The following KIAA0319 variants were observed in gnomAD, a reference collection of about 807,000 sequenced individuals.
KIAA0319 encodes dyslexia-associated protein KIAA0319.
A neutral mutation model predicts 108.4 loss-of-function variants in KIAA0319; 83 were observed. That is an observed-to-expected ratio of 0.77 (90% CI 0.64 to 0.92). The LOEUF is 0.92. Ranked by LOEUF, KIAA0319 falls within the 40% of genes least tolerant of loss-of-function variation. KIAA0319 has a pLI of 0.00. For missense variants in KIAA0319, 1,195 were observed against 1,322.4 expected, an observed-to-expected ratio of 0.90 and a Z score of 1.49; for synonymous variants, 484 against 510.4, an observed-to-expected ratio of 0.95 and a Z score of 0.70.
At chr6:24,579,980 C>G (rs1203834194) in intron 7 of KIAA0319, 30 bp from the exon 8 acceptor site, 1 of 1,520,804 alleles carries the variant, frequency 6.6e-7, no homozygotes, top group Non-Finnish European at 9.0e-7. Context: ...AGTGACTGAG[C>G]CCATCTTGTG....
chr6:24,572,428 T>C, intron 11 of KIAA0319, 147 bp downstream of exon 11: 1 of 865,880 alleles, frequency 1.2e-6, no homozygotes, highest in South Asian at 1.8e-5. Flanking sequence ...CAAGGCAAGA[T>C]TTAGAACCTT....
At position 24,566,724 on chromosome 6, in the gene KIAA0319, C is replaced by T. The variant is rs865780706; in HGVS notation, c.2165G>A (p.Arg722Gln). The T allele has an allele frequency of 1.6e-5, 26 of 1,611,976 alleles. No individual in the cohort carries two copies. The highest frequency in any genetic ancestry group is 2.0e-5 in the Non-Finnish European group (24 of 1,179,122). ...CACAAGAACATGTCTGCCACCAGCC[C>T]GGGCTCTGGGAGGACTATTATTTTC... is the stretch of plus-strand genomic sequence containing the variant. The part of the protein sequence containing the change: ...KKENNSPPRA[R>Q]AGGRHVLVLP... The change falls in exon 14 of 21, where the codon CGG (arginine) becomes CAG (glutamine). Residue 722 changes from arginine to glutamine, a missense_variant. By Grantham distance (43) the Arg-to-Gln change is conservative. Coordinates refer to ENST00000378214, the MANE Select transcript of KIAA0319 (RefSeq NM_014809.4).
intron 3 of KIAA0319, among the ~76,000 whole-genome samples, chr6:24,593,397 T>G (rs1371090721): frequency 1.4e-5 from 2 of 144,592 alleles, no homozygotes; most frequent in Admixed American, 1.4e-4. Flanking sequence ...TTTTTTTTTT[T>G]TTTTTTTTTT....
chr6:24,582,657 G>GA (rs1260528894), intron 5 of KIAA0319, among the ~76,000 whole-genome samples: 2 of 87,530 alleles, frequency 2.3e-5, no homozygotes, highest in East Asian at 1.0e-3. Flanking sequence ...AATGTATAAA[G>GA]TTAAAAAAAA....
At chr6:24,554,801 A>C (rs1762063211) in intron 18 of KIAA0319, among the ~76,000 whole-genome samples, 170 bp from the exon 19 acceptor site, 1 of 152,210 alleles carries the variant, frequency 6.6e-6, no homozygotes, top group African/African-American at 2.4e-5. Context: ...CAGATAAATC[A>C]AGAACTGTAA....
At chr6:24,596,914 C>G (rs1044753780) in intron 2 of KIAA0319, among the ~76,000 whole-genome samples, 2 of 151,976 alleles carry the variant, frequency 1.3e-5, no homozygotes, top group African/African-American at 4.8e-5. Flanking sequence ...CATCCTTTCA[C>G]CCACATACTC....
intron 14 of KIAA0319, among the ~76,000 whole-genome samples, chr6:24,564,768 C>G (rs1358167823): frequency 6.6e-6 from 1 of 152,146 alleles, no homozygotes; most frequent in African/African-American, 2.4e-5. Flanking sequence ...AACCCAAGAC[C>G]CTGTGTAGCG....
intron 8 of KIAA0319, 95 bp from the exon 9 acceptor site, chr6:24,578,337 T>C (rs1050568235): frequency 2.2e-6 from 2 of 906,594 alleles, no homozygotes; most frequent in African/African-American, 3.4e-5. Flanking sequence ...TTCATTTTTA[T>C]AAGAAATTAT....
At chr6:24,550,265 C>T (rs911315019) in intron 20 of KIAA0319, among the ~76,000 whole-genome samples, 12 of 152,234 alleles carry the variant, frequency 7.9e-5, no homozygotes, top group African/African-American at 2.9e-4. Context: ...CCTGTAAAGG[C>T]AGGCTCTGTG....
At chr6:24,588,298 T>C (rs538209240) in intron 4 of KIAA0319, among the ~76,000 whole-genome samples, 155 of 152,328 alleles carry the variant, frequency 1.0e-3, no homozygotes, top group Non-Finnish European at 2.0e-3. Context: ...CCCTGGACCC[T>C]GTTAGTGGAT....
At chr6:24,567,854 C>A (rs978835178) in intron 13 of KIAA0319, among the ~76,000 whole-genome samples, 7 of 152,168 alleles carry the variant, frequency 4.6e-5, no homozygotes, top group African/African-American at 1.7e-4. Context: ...TGCTGTGAGG[C>A]AAATCCTGCT....
At chr6:24,612,728 C>T (rs1467513992) in intron 1 of KIAA0319, among the ~76,000 whole-genome samples, 1 of 152,150 alleles carries the variant, frequency 6.6e-6, no homozygotes, top group Non-Finnish European at 1.5e-5. Context: ...TATAAAATAT[C>T]TCTGGAAGAA....
intron 17 of KIAA0319, among the ~76,000 whole-genome samples, chr6:24,557,485 A>C (rs1762475155): frequency 6.6e-6 from 1 of 152,254 alleles, no homozygotes; most frequent in Non-Finnish European, 1.5e-5. Flanking sequence ...CCGGGGCAAC[A>C]GAGGGACAGA....
chr6:24,583,564 C>A (rs760915827), intron 5 of KIAA0319, 40 bp downstream of exon 5: 2 of 1,374,396 alleles, frequency 1.5e-6, no homozygotes. Flanking sequence ...AGAAAAACAC[C>A]CCAGTTCCTA....
intron 4 of KIAA0319, among the ~76,000 whole-genome samples, chr6:24,583,974 A>G (rs1266259461): frequency 1.3e-5 from 2 of 152,220 alleles, no homozygotes; most frequent in African/African-American, 4.8e-5. Context: ...TTGAGTGACA[A>G]GAGTTGCGTG....
At chr6:24,611,923 G>C (rs2745331) in intron 1 of KIAA0319, among the ~76,000 whole-genome samples, 138,834 of 151,870 alleles carry the variant, frequency 0.91, 63,519 homozygotes, top group East Asian at 0.99. Context: ...TAGTGATATG[G>C]ACCTGTAGTC....
chr6:24,568,774 C>A lies in KIAA0319; in HGVS notation c.2140+7G>T, dbSNP rs753332323. On this transcript the variant is annotated splice_region_variant and intron_variant, in intron 13 of 20. Transcript: ENST00000378214. Reference sequence around the variant, plus strand: ...GGCCCAGCCCTGTCCACCTCAGACCCACTCACCCTTCTTCACAGCCACAGT... The same window carrying A: ...GGCCCAGCCCTGTCCACCTCAGACCAACTCACCCTTCTTCACAGCCACAGT... The A allele has an allele frequency of 1.9e-6, 3 of 1,613,542 alleles. No individual in the cohort carries two copies. The highest frequency in any genetic ancestry group is 2.5e-6 in the Non-Finnish European group (3 of 1,179,820).
At chr6:24,564,869 T>G (rs1300528798) in intron 14 of KIAA0319, among the ~76,000 whole-genome samples, 1 of 152,218 alleles carries the variant, frequency 6.6e-6, no homozygotes, top group Admixed American at 6.5e-5. Flanking sequence ...GAATATGTGC[T>G]GTGAACAGAG....
chr6:24,621,399 C>G (rs1427073145), intron 1 of KIAA0319, among the ~76,000 whole-genome samples: 2 of 152,096 alleles, frequency 1.3e-5, no homozygotes, highest in Admixed American at 6.5e-5. Flanking sequence ...ATTGAGCTCT[C>G]TAAAGAGGCA....
Sources: gnomAD v4.1 joint callset for allele counts (sites outside exome capture counted in the v4.1 genomes callset) on GRCh38, gnomAD v4.1.1 for gene constraint, MANE v1.5 for transcripts, NCBI Gene and HGNC (gene_info 2026-07-23, HGNC 2026-07-21) for gene names.